The following SACM1L variants were observed in gnomAD, a reference collection of about 807,000 sequenced individuals.
The protein encoded by SACM1L is SAC1 like phosphatidylinositide phosphatase, also known as phosphatidylinositol-3-phosphatase SAC1.
Under a neutral mutation model 89.5 loss-of-function variants are expected in SACM1L, and 32 were observed. That is an observed-to-expected ratio of 0.36 (90% CI 0.27 to 0.48). The LOEUF is 0.48. Among genes scored for constraint, SACM1L ranks in the 20% least tolerant of loss-of-function variants. The pLI is 0.99. For missense variants in SACM1L, 543 were observed against 708.5 expected (o/e 0.77, Z 2.65); for synonymous variants, 213 against 232.8 (o/e 0.92, Z 0.77).
intron 1 of SACM1L, among the ~76,000 whole-genome samples, chr3:45,694,891 G>T (rs1194135983): frequency 6.6e-6 from 1 of 152,174 alleles, no homozygotes; most frequent in African/African-American, 2.4e-5. Context: ...GAAGAAGTCT[G>T]GTTGAGAGAA....
At chr3:45,724,725 ACCC>A (rs1270785717) in intron 11 of SACM1L, among the ~76,000 whole-genome samples, 6 of 151,686 alleles carry the variant, frequency 4.0e-5, no homozygotes, top group Non-Finnish European at 7.4e-5. Context: ...ACATAAACTT[ACCC>A]CTATATTTTC....
chr3:45,732,339 A>G (rs1699094006), intron 13 of SACM1L, among the ~76,000 whole-genome samples, 188 bp downstream of exon 13: 1 of 152,160 alleles, frequency 6.6e-6, no homozygotes, highest in African/African-American at 2.4e-5. Flanking sequence ...ATATTTTTGA[A>G]TTCTTAAAAA....
intron 1 of SACM1L, among the ~76,000 whole-genome samples, chr3:45,691,022 C>T (rs1369282692): frequency 6.6e-6 from 1 of 152,136 alleles, no homozygotes; most frequent in Non-Finnish European, 1.5e-5. Flanking sequence ...TGTTTTTCAG[C>T]TGCCAGAACA....
At chr3:45,697,106 C>G (rs1342089054) in intron 1 of SACM1L, among the ~76,000 whole-genome samples, 1 of 151,662 alleles carries the variant, frequency 6.6e-6, no homozygotes, top group Admixed American at 6.6e-5. Flanking sequence ...TTCATAGCAG[C>G]ATTATTCACA....
At chr3:45,718,725 TTAATG>T (rs1416719818) in intron 7 of SACM1L, among the ~76,000 whole-genome samples, 2 of 152,164 alleles carry the variant, frequency 1.3e-5, no homozygotes, top group Non-Finnish European at 2.9e-5. Context: ...ATAAAAACAT[TTAATG>T]TAAGAGGTAT....
intron 1 of SACM1L, chr3:45,690,427 C>T (rs969890289): frequency 2.0e-5 from 3 of 152,192 alleles, no homozygotes; most frequent in East Asian, 1.9e-4. Flanking sequence ...GCTTATCTAT[C>T]CCTGTATATG....
chr3:45,740,495 G>A (rs1282807283), intron 19 of SACM1L, among the ~76,000 whole-genome samples: 2 of 152,180 alleles, frequency 1.3e-5, no homozygotes, highest in Non-Finnish European at 2.9e-5. Flanking sequence ...AGGAACAAAA[G>A]GAGGGTAGTT....
intron 1 of SACM1L, among the ~76,000 whole-genome samples, chr3:45,691,640 G>C (rs188170445): frequency 6.6e-6 from 1 of 151,658 alleles, no homozygotes; most frequent in Non-Finnish European, 1.5e-5. Context: ...AAAGAGATGG[G>C]GTCTCATTCT....
chr3:45,725,622 A>G (rs1698900394), intron 11 of SACM1L, among the ~76,000 whole-genome samples: 1 of 150,284 alleles, frequency 6.7e-6, no homozygotes, highest in African/African-American at 2.4e-5. Context: ...GGTTTTCTAT[A>G]TATAAGATCG....
intron 1 of SACM1L, among the ~76,000 whole-genome samples, chr3:45,695,977 G>A (rs1278047765): frequency 6.8e-6 from 1 of 148,098 alleles, no homozygotes; most frequent in Non-Finnish European, 1.5e-5. Context: ...CATCCATTGT[G>A]TAGCATGTGT....
intron 19 of SACM1L, among the ~76,000 whole-genome samples, chr3:45,743,318 G>T (rs1238979906): frequency 6.6e-6 from 1 of 152,160 alleles, no homozygotes; most frequent in Admixed American, 6.5e-5. Flanking sequence ...GATTCCTGGG[G>T]CCCAACAGTT....
intron 7 of SACM1L, 64 bp from the exon 8 acceptor site, chr3:45,719,436 A>C (rs927054641): frequency 1.1e-6 from 1 of 938,036 alleles, no homozygotes; most frequent in Non-Finnish European, 1.6e-6. Context: ...AGATAGATGC[A>C]AACAATCTAG....
chr3:45,709,780 T>A, intron 5 of SACM1L, 133 bp downstream of exon 5: 1 of 753,454 alleles, frequency 1.3e-6, no homozygotes, highest in Non-Finnish European at 2.1e-6. Context: ...TTTGAAAATA[T>A]ACCCTGTTTT....
intron 8 of SACM1L, among the ~76,000 whole-genome samples, chr3:45,721,181 A>G (rs1698779317): frequency 6.6e-6 from 1 of 152,250 alleles, no homozygotes; most frequent in South Asian, 2.1e-4. Context: ...AATCAGTATA[A>G]GCATCTGCTG....
intron 3 of SACM1L, among the ~76,000 whole-genome samples, chr3:45,705,837 G>A (rs1037838071): frequency 2.6e-5 from 4 of 152,184 alleles, no homozygotes; most frequent in Non-Finnish European, 5.9e-5. Flanking sequence ...CAGTGGAACA[G>A]GGTATTCTAC....
chr3:45,691,302 C>T lies in SACM1L; in HGVS notation c.32+1805C>T, dbSNP rs1018197161. Among the ~76,000 whole-genome samples, 7 of 152,146 alleles carry T rather than the reference C, an allele frequency of 4.6e-5. No individual in the cohort carries two copies. The East Asian group carries it at 1.4e-3, about 29-fold the overall frequency. ...AGGTACAACTTTTTTGCACCTTTTT[C>T]TTTACCAAGGGGTTTATGAGTTAGA... On this transcript the variant is annotated intron_variant, in intron 1 of 19. Coordinates refer to ENST00000389061, the MANE Select transcript of SACM1L (RefSeq NM_014016.5).
At position 45,730,178 on chromosome 3, in the gene SACM1L, T is replaced by A. The variant is rs1699012813; in HGVS notation, c.922-1123T>A. On this transcript the variant is annotated intron_variant, in intron 11 of 19. Transcript: ENST00000389061. ...GAACAGTTTCTGTCAATTTCTTATG[T>A]TCCATTGAATGAGTCATGTTTTTCT... Among the ~76,000 whole-genome samples the A allele has an allele frequency of 1.3e-5, 2 of 152,106 alleles. 1 individual carries two copies. The highest frequency in any genetic ancestry group is 4.1e-4 in the South Asian group (2 of 4,830).
At position 45,719,594 on chromosome 3, in the gene SACM1L, T is replaced by C. The variant is rs1559544924; in HGVS notation, c.672T>C (p.Tyr224=). 4 of 1,602,554 alleles carry C rather than the reference T, an allele frequency of 2.5e-6. No individual in the cohort carries two copies. The highest frequency in any genetic ancestry group is 1.7e-5 in the Admixed American group (1 of 58,238). The change falls in exon 8 of 20, where the codon TAT becomes TAC. Residue 224 remains tyrosine, a synonymous_variant. Transcript: ENST00000389061. ...RSCFRAGVRY[Y]VRGIDSEGHA... ...GTTTCAGAGCTGGTGTGCGCTATTATGTAAGAGGTGAGAATTTTGTCAGCA... is the reference window on the plus strand; with the variant it reads ...GTTTCAGAGCTGGTGTGCGCTATTACGTAAGAGGTGAGAATTTTGTCAGCA...
intron 11 of SACM1L, among the ~76,000 whole-genome samples, chr3:45,725,772 T>A (rs556267022): frequency 1.6e-4 from 24 of 152,226 alleles, no homozygotes; most frequent in African/African-American, 5.8e-4. Flanking sequence ...CTTGTCTTAT[T>A]CCTTTTCTTA....
Sources: allele counts gnomAD v4.1 joint callset (sites outside exome capture counted in the v4.1 genomes callset), GRCh38; gene constraint gnomAD v4.1.1; transcripts MANE v1.5; gene names NCBI Gene and HGNC (gene_info 2026-07-23, HGNC 2026-07-21).